WDR44: variants seen among roughly 807,000 people sequenced by gnomAD.
WDR44 encodes the protein WD repeat domain 44.
A neutral mutation model predicts 65.7 loss-of-function variants in WDR44; 9 were observed. The observed-to-expected ratio is 0.14, with a 90% confidence interval of 0.08 to 0.24. WDR44 has a LOEUF of 0.24. Ranked by LOEUF, WDR44 falls within the 10% of genes least tolerant of loss-of-function variation. The pLI is 1.00. For missense variants in WDR44, 425 were observed against 670.9 expected (o/e 0.63, Z 4.05); for synonymous variants, 220 against 235.2 (o/e 0.94, Z 0.59).
intron 19 of WDR44, among the ~76,000 whole-genome samples, chrX:118,445,263 C>T (rs1360431956): frequency 8.9e-6 from 1 of 111,822 alleles, no homozygotes; most frequent in Non-Finnish European, 1.9e-5. Context: ...CCACTGCACT[C>T]CAGCCTGTGT....
At chrX:118,365,334 G>A (rs2056544099) in intron 1 of WDR44, among the ~76,000 whole-genome samples, 1 of 110,818 alleles carries the variant, frequency 9.0e-6, no homozygotes, top group Admixed American at 9.7e-5. Context: ...TTGACCCATT[G>A]TTCTAGCCCA....
chrX:118,352,352 A>ATATTTTTTTTTTTTTTTT (rs1357425730), intron 1 of WDR44, among the ~76,000 whole-genome samples: 1 of 14,224 alleles, frequency 7.0e-5, no homozygotes, highest in Non-Finnish European at 1.0e-4. Context: ...ATATATATAT[A>ATATTTTTTTTTTTTTTTT]TTTTTTTTTT....
At chrX:118,411,408 A>T (rs1423838066) in intron 12 of WDR44, among the ~76,000 whole-genome samples, 1 of 112,125 alleles carries the variant, frequency 8.9e-6, no homozygotes, top group Non-Finnish European at 1.9e-5. Context: ...TGGAAGGTTA[A>T]ATATAACCAA....
Position 118,441,507 on chromosome X carries a change from A to G in WDR44, c.2114A>G (p.Lys705Arg). The G allele has an allele frequency of 1.7e-6, 2 of 1,211,489 alleles. No individual in the cohort carries two copies. Among genetic ancestry groups the G allele is most frequent in the Non-Finnish European group, 1.1e-6 (1 of 895,250 alleles). The change falls in exon 15 of 20, where the codon AAA (lysine) becomes AGA (arginine). Residue 705 changes from lysine to arginine, a missense_variant. Lys to Arg is a conservative substitution (Grantham distance 26). Coordinates refer to ENST00000254029, the MANE Select transcript of WDR44 (RefSeq NM_019045.5). ...GCTGCAAATTTCTGTCAGAATGGCA[A>G]ATATGCAGTGATTGGGACATATGAT... ...ITAANFCQNG[K>R]YAVIGTYDGR...
intron 12 of WDR44, among the ~76,000 whole-genome samples, chrX:118,421,081 A>G (rs1345115592): frequency 9.0e-6 from 1 of 111,690 alleles, no homozygotes; most frequent in African/African-American, 3.3e-5. Flanking sequence ...TATTCAAAGC[A>G]TGCCCATTCT....
intron 12 of WDR44, among the ~76,000 whole-genome samples, chrX:118,424,506 G>C (rs767023703): frequency 5.3e-4 from 57 of 107,560 alleles, no homozygotes; most frequent in Non-Finnish European, 9.2e-4. Flanking sequence ...GTCTATTTAG[G>C]TCCTTTGCCT....
At chrX:118,410,022 A>G (rs1306868135) in intron 11 of WDR44, among the ~76,000 whole-genome samples, 1 of 112,419 alleles carries the variant, frequency 8.9e-6, no homozygotes, top group African/African-American at 3.2e-5. Flanking sequence ...TGAATTGTCA[A>G]TATATCAAGG....
At chrX:118,447,754 C>T (rs953718063) in intron 19 of WDR44, among the ~76,000 whole-genome samples, 2 of 106,923 alleles carry the variant, frequency 1.9e-5, no homozygotes, top group African/African-American at 3.4e-5. Context: ...GGCACAGTGG[C>T]GCATGCCTGT....
chrX:118,394,963 T>A lies in WDR44; in HGVS notation c.958-286T>A, dbSNP rs1049975662. 3.6e-5 allele frequency among the ~76,000 whole-genome samples: 4 copies of A among 112,153 alleles called. No homozygotes were observed. The Admixed American group carries it at 3.8e-4, about 11-fold the overall frequency. ...TTGAGGTAGCCACATACAGTCCAGATTAATAGCAGTCTTAGTAGAGAAATG... is the reference window on the plus strand; with the variant it reads ...TTGAGGTAGCCACATACAGTCCAGAATAATAGCAGTCTTAGTAGAGAAATG... On this transcript the variant is annotated intron_variant, in intron 5 of 19. Transcript: ENST00000254029.
Position 118,436,689 on chromosome X carries a change from A to G in WDR44, c.1852-13A>G. ...ATATAGTGATAACATAGTCAATGTCATTTTCCCCATAGAACTACTTTCTTC... is the reference window on the plus strand; with the variant it reads ...ATATAGTGATAACATAGTCAATGTCGTTTTCCCCATAGAACTACTTTCTTC... On this transcript the variant is annotated splice_polypyrimidine_tract_variant and intron_variant, in intron 13 of 19. Coordinates refer to ENST00000254029, the MANE Select transcript of WDR44 (RefSeq NM_019045.5). The G allele has an allele frequency of 8.5e-7, 1 of 1,181,541 alleles. No individual in the cohort carries two copies. Among genetic ancestry groups the G allele is most frequent in the Non-Finnish European group, 1.1e-6 (1 of 878,439 alleles).
chrX:118,423,564 G>A (rs990231846), intron 12 of WDR44, among the ~76,000 whole-genome samples: 2 of 112,090 alleles, frequency 1.8e-5, no homozygotes, highest in African/African-American at 6.5e-5. Flanking sequence ...TTGGAGATAA[G>A]TATACAAGCA....
intron 1 of WDR44, among the ~76,000 whole-genome samples, chrX:118,368,551 G>A (rs774495446): frequency 1.0e-5 from 1 of 99,369 alleles, no homozygotes; most frequent in South Asian, 4.8e-4. Flanking sequence ...CATGGATGTT[G>A]ATGACCTCTC....
chrX:118,419,184 C>G (rs1427428235), intron 12 of WDR44, among the ~76,000 whole-genome samples: 2 of 111,560 alleles, frequency 1.8e-5, no homozygotes, highest in South Asian at 3.8e-4. Flanking sequence ...TGCCCTCCCC[C>G]TTCTGGCCAG....
chrX:118,375,855 C>T (rs2056655121), intron 1 of WDR44, among the ~76,000 whole-genome samples: 1 of 112,287 alleles, frequency 8.9e-6, no homozygotes, highest in South Asian at 3.6e-4. Flanking sequence ...AAATTTAACT[C>T]CCTCCCCTAA....
intron 12 of WDR44, among the ~76,000 whole-genome samples, chrX:118,422,243 A>AT (rs960311207): frequency 5.5e-5 from 6 of 109,726 alleles, no homozygotes; most frequent in South Asian, 7.8e-4. Flanking sequence ...AAAAAAAAAA[A>AT]ATATATAGCC....
chrX:118,418,457 G>A (rs1014272908), intron 12 of WDR44, among the ~76,000 whole-genome samples: 3 of 110,837 alleles, frequency 2.7e-5, no homozygotes, highest in Non-Finnish European at 5.7e-5. Flanking sequence ...TCTCTCTTCT[G>A]GGTCTAGCCA....
At chrX:118,375,388 A>G (rs1439783350) in intron 1 of WDR44, among the ~76,000 whole-genome samples, 2 of 108,913 alleles carry the variant, frequency 1.8e-5, no homozygotes, top group African/African-American at 6.7e-5. Context: ...TGTGCCCCTT[A>G]AAGGTTTTTC....
At chrX:118,409,651 C>G in intron 11 of WDR44, 24 bp downstream of exon 11, 1 of 1,153,117 alleles carries the variant, frequency 8.7e-7, no homozygotes. Context: ...ATTTAAAAAT[C>G]TACAGAAACC....
chrX:118,398,530 C>A (rs2056885444), intron 8 of WDR44, 60 bp downstream of exon 8: 2 of 939,151 alleles, frequency 2.1e-6, no homozygotes, highest in African/African-American at 3.9e-5. Flanking sequence ...AATATGAGAA[C>A]TACCATACTA....
Sources: gnomAD v4.1 joint callset for allele counts (sites outside exome capture counted in the v4.1 genomes callset) on GRCh38, gnomAD v4.1.1 for gene constraint, MANE v1.5 for transcripts, NCBI Gene and HGNC (gene_info 2026-07-23, HGNC 2026-07-21) for gene names.